The following KIF5C variants were observed in gnomAD, a reference collection of about 807,000 sequenced individuals.
KIF5C encodes kinesin family member 5C, also known as kinesin heavy chain isoform 5C.
Under a neutral mutation model 125.2 loss-of-function variants are expected in KIF5C, and 18 were observed. The observed-to-expected ratio is 0.14, with a 90% confidence interval of 0.10 to 0.21. The LOEUF is 0.21. KIF5C is among the 10% of genes least tolerant of loss of function. The probability of loss-of-function intolerance (pLI) is 1.00; values close to 1 mark genes in which losing one functional copy is unlikely to be tolerated. For synonymous variants in KIF5C, 405 were observed against 434.0 expected (o/e 0.93, Z 0.83); for missense variants, 780 against 1,183.8 (o/e 0.66, Z 5.01).
chr2:148,903,659 C>T (rs1250903486), intron 1 of KIF5C, among the ~76,000 whole-genome samples: 1 of 152,166 alleles, frequency 6.6e-6, no homozygotes, highest in East Asian at 1.9e-4. Context: ...GTTATTTCGT[C>T]CTCACAGAAT....
At chr2:148,939,094 TAA>T (rs66739683) in intron 4 of KIF5C, among the ~76,000 whole-genome samples, 15,762 of 131,556 alleles carry the variant, frequency 0.12, 1,139 homozygotes, top group African/African-American at 0.21. Flanking sequence ...GATTCTGTCT[TAA>T]AAAAAAAAAA....
chr2:148,878,050 T>A (rs1043615936), intron 1 of KIF5C: 1 of 152,212 alleles, frequency 6.6e-6, no homozygotes, highest in Non-Finnish European at 1.5e-5. Context: ...TATAATCCTT[T>A]AATACAACAG....
chr2:148,981,640 T>C, intron 14 of KIF5C, 79 bp downstream of exon 14: 1 of 1,476,314 alleles, frequency 6.8e-7, no homozygotes, highest in Non-Finnish European at 9.0e-7. Context: ...TTGACAGACA[T>C]GGTATAAGGA....
At chr2:148,945,025 T>C (rs1682490749) in intron 7 of KIF5C, among the ~76,000 whole-genome samples, 1 of 152,182 alleles carries the variant, frequency 6.6e-6, no homozygotes, top group Non-Finnish European at 1.5e-5. Context: ...TGGAGTTCTC[T>C]ATGTATTCTG....
At chr2:149,007,081 A>G (rs1682030453) in intron 22 of KIF5C, among the ~76,000 whole-genome samples, 2 of 152,050 alleles carry the variant, frequency 1.3e-5, no homozygotes, top group South Asian at 2.1e-4. Flanking sequence ...AAATTCTCAT[A>G]CCCCACCCCA....
chr2:148,875,732 G>T lies in KIF5C; in HGVS notation c.115G>T (p.Val39Leu). 6.2e-7 allele frequency: 1 copy of T among 1,604,782 alleles called. No individual in the cohort carries two copies. The highest frequency in any genetic ancestry group is 8.5e-7 in the Non-Finnish European group (1 of 1,176,160). The change falls in exon 1 of 26, where the codon GTG becomes TTG. Residue 39 changes from valine (V) to leucine (L), a missense_variant. Coordinates refer to ENST00000435030, the MANE Select transcript of KIF5C (RefSeq NM_004522.3). ...FIPKFKGDETVVIGQGKPYVF... is the reference protein window; with the variant it reads ...FIPKFKGDETLVIGQGKPYVF... ...CCCCAAATTTAAAGGCGATGAGACC[G>T]TGGTGATCGGGGTAAGTGGCTGGGG...
chr2:148,941,643 A>G lies in KIF5C; in HGVS notation c.430A>G (p.Arg144Gly). 1 of 1,560,764 alleles carries G rather than the reference A, an allele frequency of 6.4e-7. No homozygotes were observed. Residue 144 changes from arginine (R) to glycine (G), a missense_variant, in exon 5 of 26, where the codon AGG (arginine) becomes GGG (glycine). This residue lies in a region of KIF5C where 207 missense variants were observed against 441.2 expected (regional missense o/e 0.47). Coordinates refer to ENST00000435030, the MANE Select transcript of KIF5C (RefSeq NM_004522.3). ...TTTTGAGATCTACTTGGACAAAATA[A>G]GGGACTTACTTGATGGTAAGTAACC... The part of the protein sequence containing the change: ...SYFEIYLDKI[R>G]DLLDVSKTNL...
At chr2:148,979,101 CAT>C (rs972926282) in intron 13 of KIF5C, 111 bp downstream of exon 13, 28 of 1,304,328 alleles carry the variant, frequency 2.1e-5, no homozygotes, top group Non-Finnish European at 2.7e-5. Context: ...ATTACAGAAT[CAT>C]GTGGAAATTT....
intron 18 of KIF5C, 135 bp downstream of exon 18, chr2:148,997,475 T>C (rs185098197): frequency 3.4e-6 from 5 of 1,483,314 alleles, no homozygotes; most frequent in Non-Finnish European, 4.6e-6. Context: ...TTGTTGGGCA[T>C]TCAGAGTCGA....
At chr2:148,913,711 C>T (rs1192086423) in intron 1 of KIF5C, among the ~76,000 whole-genome samples, 1 of 152,146 alleles carries the variant, frequency 6.6e-6, no homozygotes, top group Non-Finnish European at 1.5e-5. Flanking sequence ...GCAGTTTGAC[C>T]GGATGGTACT....
intron 11 of KIF5C, among the ~76,000 whole-genome samples, chr2:148,968,875 AC>A (rs1183838392): frequency 6.6e-6 from 1 of 152,120 alleles, no homozygotes; most frequent in Non-Finnish European, 1.5e-5. Flanking sequence ...TACAGAAATT[AC>A]CTACCATTAG....
intron 11 of KIF5C, among the ~76,000 whole-genome samples, chr2:148,963,617 C>A (rs1385549475): frequency 6.6e-6 from 1 of 152,020 alleles, no homozygotes; most frequent in Non-Finnish European, 1.5e-5. Context: ...TGCAATTTGG[C>A]AGGAATGGGA....
intron 21 of KIF5C, among the ~76,000 whole-genome samples, chr2:149,003,446 C>T (rs955847284): frequency 8.5e-5 from 13 of 152,216 alleles, no homozygotes; most frequent in South Asian, 8.3e-4. Flanking sequence ...GGCTTTGGGG[C>T]GGGAGCCCTC....
chr2:148,902,776 T>C (rs2105058222), intron 1 of KIF5C, among the ~76,000 whole-genome samples: 1 of 152,368 alleles, frequency 6.6e-6, no homozygotes, highest in East Asian at 1.9e-4. Context: ...TGGTTATGTT[T>C]TATAGCTTGG....
At chr2:148,949,689 G>A (rs769397929) in intron 8 of KIF5C, 150 bp from the exon 9 acceptor site, 58 of 1,128,650 alleles carry the variant, frequency 5.1e-5, no homozygotes, top group Non-Finnish European at 6.7e-5. Context: ...ATACACGAAG[G>A]ATGGTTTTTT....
Position 148,938,299 on chromosome 2 carries a change from A to G in KIF5C, c.396+911A>G, listed in dbSNP as rs113854174. Among the ~76,000 whole-genome samples the G allele has an allele frequency of 3.8e-3, 586 of 152,338 alleles. 3 individuals are homozygous for G. Among genetic ancestry groups the G allele is most frequent in the African/African-American group, 0.013 (556 of 41,580 alleles). ...TTTAAACAATTGAGATATTGTTCAC[A>G]TACCGCAAAATTCATCCTTTTAAAG... On this transcript the variant is annotated intron_variant, in intron 4 of 25. Transcript: ENST00000435030.
intron 11 of KIF5C, among the ~76,000 whole-genome samples, chr2:148,970,200 T>G (rs985426279): frequency 6.6e-6 from 1 of 152,294 alleles, no homozygotes; most frequent in East Asian, 1.9e-4. Flanking sequence ...AAACCTGAAA[T>G]GGACTTGCAT....
At chr2:149,013,966 A>C (rs1682286353) in intron 25 of KIF5C, among the ~76,000 whole-genome samples, 2 of 152,008 alleles carry the variant, frequency 1.3e-5, no homozygotes, top group Non-Finnish European at 2.9e-5. Context: ...ACATGTGCTC[A>C]ATGTCCAGGT....
chr2:148,989,939 C>T (rs1268299946), intron 15 of KIF5C, among the ~76,000 whole-genome samples: 3 of 152,126 alleles, frequency 2.0e-5, no homozygotes, highest in Non-Finnish European at 4.4e-5. Context: ...GAGTGAATGA[C>T]ATCAATAACG....
Sources: gnomAD v4.1 joint callset for allele counts (sites outside exome capture counted in the v4.1 genomes callset) on GRCh38, gnomAD v4.1.1 for gene constraint, gnomAD v4.1.1 regional missense constraint, MANE v1.5 for transcripts, NCBI Gene and HGNC (gene_info 2026-07-23, HGNC 2026-07-21) for gene names.